The following PLCXD3 variants were observed in gnomAD, a reference collection of about 807,000 sequenced individuals.
PLCXD3 encodes the protein PI-PLC X domain-containing protein 3.
A neutral mutation model predicts 25.5 loss-of-function variants in PLCXD3; 19 were observed. The ratio of observed to expected loss-of-function variants is 0.75; its 90% CI spans 0.52 to 1.09. The LOEUF is 1.09. PLCXD3 is among the 50% of genes least tolerant of loss of function. PLCXD3 has a pLI of 0.00. For missense variants in PLCXD3, 411 were observed against 388.1 expected (o/e 1.06, Z -0.50); for synonymous variants, 174 against 137.6 (o/e 1.26, Z -1.85).
At chr5:41,366,675 C>A (rs543763760) in intron 2 of PLCXD3, among the ~76,000 whole-genome samples, 1 of 152,178 alleles carries the variant, frequency 6.6e-6, no homozygotes, top group African/African-American at 2.4e-5. Flanking sequence ...CTTTTAAGTT[C>A]AGGGCTCCAT....
At chr5:41,343,415 T>C (rs1744214448) in intron 2 of PLCXD3, among the ~76,000 whole-genome samples, 1 of 152,164 alleles carries the variant, frequency 6.6e-6, no homozygotes, top group Non-Finnish European at 1.5e-5. Flanking sequence ...ATCATCCATA[T>C]ATTTGGTGAA....
In PLCXD3 at chr5:41,312,615, C is replaced by A. The variant is rs1393961961; in HGVS notation, c.*1002G>T. 6.8e-6 allele frequency: 1 copy of A among 146,298 alleles called. No homozygotes were observed. Among genetic ancestry groups the A allele is most frequent in the Non-Finnish European group, 1.5e-5 (1 of 66,090 alleles). 9.1% of individuals were successfully genotyped at this position (146,298 alleles called of 1,614,324 possible). A position where few individuals can be genotyped will look rare whatever the true frequency, so the allele number is the denominator to read the frequency against. On this transcript the variant is annotated 3_prime_UTR_variant, in exon 3 of 3. Transcript: ENST00000377801. ...CCTTCCTTCCTTCCTCCCTTCCTTCCTTCCTCCCGTCCTTCCTTCTGTCCT... is the reference window on the plus strand; with the variant it reads ...CCTTCCTTCCTTCCTCCCTTCCTTCATTCCTCCCGTCCTTCCTTCTGTCCT...
intron 1 of PLCXD3, among the ~76,000 whole-genome samples, chr5:41,410,306 A>T (rs1187740569): frequency 6.7e-6 from 1 of 148,310 alleles, no homozygotes; most frequent in African/African-American, 2.5e-5. Context: ...CGCCTGGCTA[A>T]TTTTTTTTTT....
chr5:41,485,650 T>C (rs1201259138), intron 1 of PLCXD3, among the ~76,000 whole-genome samples: 1 of 152,176 alleles, frequency 6.6e-6, no homozygotes, highest in African/African-American at 2.4e-5. Flanking sequence ...CAAAGCACCA[T>C]GCTGCAGATA....
In PLCXD3 at chr5:41,397,174, T is replaced by C. The variant is rs563498924; in HGVS notation, c.104-14640A>G. Among the ~76,000 whole-genome samples, 7 of 152,266 alleles carry C rather than the reference T, an allele frequency of 4.6e-5. No individual in the cohort carries two copies. In the East Asian group the frequency reaches 1.4e-3, roughly 30 times the overall value. ...ATATTGCTAGGGCATTTCAGAGACC[T>C]TTGTGGCAGCCCCTCCTATCACAGG... On this transcript the variant is annotated intron_variant, in intron 1 of 2. Transcript: ENST00000377801.
intron 1 of PLCXD3, among the ~76,000 whole-genome samples, chr5:41,486,152 C>G (rs751933943): frequency 2.0e-5 from 3 of 152,102 alleles, no homozygotes; most frequent in Non-Finnish European, 4.4e-5. Flanking sequence ...ACAAGCTTGT[C>G]CAAAGCTTAG....
intron 1 of PLCXD3, among the ~76,000 whole-genome samples, chr5:41,502,167 A>G (rs1748965346): frequency 6.6e-6 from 1 of 152,162 alleles, no homozygotes; most frequent in Non-Finnish European, 1.5e-5. Flanking sequence ...ACACAAGTGG[A>G]AAAACTTAGC....
chr5:41,480,450 G>A (rs1429038479), intron 1 of PLCXD3, among the ~76,000 whole-genome samples: 3 of 138,234 alleles, frequency 2.2e-5, no homozygotes, highest in Non-Finnish European at 4.6e-5. Context: ...AATAAAAATT[G>A]GTATGATGAC....
intron 2 of PLCXD3, among the ~76,000 whole-genome samples, chr5:41,321,510 C>A (rs1488461694): frequency 6.6e-6 from 1 of 152,128 alleles, no homozygotes; most frequent in African/African-American, 2.4e-5. Context: ...CTACTCAAAG[C>A]AGTCTACAGA....
chr5:41,334,015 G>C (rs1743909662), intron 2 of PLCXD3, among the ~76,000 whole-genome samples: 1 of 152,036 alleles, frequency 6.6e-6, no homozygotes, highest in Admixed American at 6.6e-5. Context: ...ACCCTTATTT[G>C]CTAAATATTA....
chr5:41,403,516 C>A (rs2150500628), intron 1 of PLCXD3, among the ~76,000 whole-genome samples: 1 of 80,700 alleles, frequency 1.2e-5, no homozygotes, highest in East Asian at 2.5e-4. Context: ...AATGTGTCAT[C>A]TAGCATTAGG....
Position 41,309,213 on chromosome 5 carries a change from A to G in PLCXD3, c.*4404T>C, listed in dbSNP as rs1487689219. 7 of 152,582 alleles carry G rather than the reference A, an allele frequency of 4.6e-5. No individual in the cohort carries two copies. Among genetic ancestry groups the G allele is most frequent in the Admixed American group, 3.3e-4 (5 of 15,250 alleles). The allele number at this position is 152,582 out of a possible 1,614,324, so 9.5% of individuals were successfully genotyped here. On this transcript the variant is annotated 3_prime_UTR_variant, in exon 3 of 3. Coordinates refer to ENST00000377801, the MANE Select transcript of PLCXD3 (RefSeq NM_001005473.3). The stretch of plus-strand genomic sequence containing the variant: ...AAATAGTATCACAATTGAAATAACA[A>G]TTACACAATTTTCAACAGATTCAAT...
chr5:41,334,235 G>A (rs1422267098), intron 2 of PLCXD3, among the ~76,000 whole-genome samples: 3 of 151,678 alleles, frequency 2.0e-5, no homozygotes, highest in Non-Finnish European at 4.4e-5. Context: ...TTCTCCATTT[G>A]TAAGATTAGC....
At chr5:41,318,620 A>T (rs957469851) in intron 2 of PLCXD3, among the ~76,000 whole-genome samples, 1 of 152,290 alleles carries the variant, frequency 6.6e-6, no homozygotes, top group African/African-American at 2.4e-5. Flanking sequence ...AGAAGCAATA[A>T]CTAAATCCTA....
chr5:41,453,963 C>A (rs985501835), intron 1 of PLCXD3, among the ~76,000 whole-genome samples: 1 of 151,944 alleles, frequency 6.6e-6, no homozygotes, highest in Non-Finnish European at 1.5e-5. Context: ...TCCAACTCTG[C>A]AGAATTTATA....
chr5:41,329,338 T>C (rs1374526005), intron 2 of PLCXD3, among the ~76,000 whole-genome samples: 1 of 152,214 alleles, frequency 6.6e-6, no homozygotes, highest in Admixed American at 6.5e-5. Flanking sequence ...CCAACTAGAC[T>C]GTAAGCTCTT....
chr5:41,354,858 C>G (rs570931179), intron 2 of PLCXD3, among the ~76,000 whole-genome samples: 1 of 152,270 alleles, frequency 6.6e-6, no homozygotes, highest in African/African-American at 2.4e-5. Flanking sequence ...GGAAAACCCT[C>G]AAATTTCTTA....
chr5:41,367,700 C>T (rs1156771657), intron 2 of PLCXD3, among the ~76,000 whole-genome samples: 1 of 152,126 alleles, frequency 6.6e-6, no homozygotes, highest in Non-Finnish European at 1.5e-5. Flanking sequence ...GCATCTTCAT[C>T]ATGAAATCTT....
intron 2 of PLCXD3, among the ~76,000 whole-genome samples, chr5:41,347,435 ATT>A (rs963422105): frequency 1.1e-4 from 16 of 152,184 alleles, no homozygotes; most frequent in African/African-American, 3.6e-4. Context: ...AAGGAAAGTA[ATT>A]TATCTCTCCT....
Sources: gnomAD v4.1 joint callset for allele counts (sites outside exome capture counted in the v4.1 genomes callset) on GRCh38, gnomAD v4.1.1 for gene constraint, MANE v1.5 for transcripts, NCBI Gene and HGNC (gene_info 2026-07-23, HGNC 2026-07-21) for gene names.